Variants in TENM2 observed in about 807,000 individuals in gnomAD.
TENM2 encodes the protein teneurin-2.
A neutral mutation model predicts 245.2 loss-of-function variants in TENM2; 52 were observed. That is an observed-to-expected ratio of 0.21 (90% CI 0.17 to 0.27). The LOEUF (loss-of-function observed/expected upper bound fraction) is 0.27, where lower values mean the gene tolerates loss of function less well. TENM2 is among the 10% of genes least tolerant of loss of function. The pLI is 1.00. For synonymous variants in TENM2, 1,363 were observed against 1,438.9 expected, an observed-to-expected ratio of 0.95 and a Z score of 1.19; for missense variants, 3,046 against 3,666.8, an observed-to-expected ratio of 0.83 and a Z score of 4.37.
chr5:167,197,780 G>C, the TENM2 span, among the ~76,000 whole-genome samples: 2 of 151,680 alleles, frequency 1.3e-5, no homozygotes, highest in East Asian at 1.9e-4. Flanking sequence ...CCATATTCTC[G>C]GTTGTAAAAT....
the TENM2 span, among the ~76,000 whole-genome samples, chr5:167,257,239 T>A: frequency 6.6e-6 from 1 of 152,124 alleles, no homozygotes; most frequent in Non-Finnish European, 1.5e-5. Flanking sequence ...AATAAGATCA[T>A]ACCCTATATA....
At chr5:166,979,970 G>A in the TENM2 span, among the ~76,000 whole-genome samples, 1 of 152,190 alleles carries the variant, frequency 6.6e-6, no homozygotes, top group Non-Finnish European at 1.5e-5. Flanking sequence ...CAGCATGAGA[G>A]ATGCCAGTGA....
chr5:167,839,095 G>T (rs1769254704), intron 2 of TENM2, among the ~76,000 whole-genome samples: 1 of 152,174 alleles, frequency 6.6e-6, no homozygotes, highest in Admixed American at 6.5e-5. Context: ...TCATTGTTAT[G>T]ATTAAAACTT....
chr5:168,027,125 G>A (rs1209276708), intron 5 of TENM2, among the ~76,000 whole-genome samples: 7 of 152,084 alleles, frequency 4.6e-5, no homozygotes, highest in Non-Finnish European at 1.0e-4. Context: ...ACACGTGCAT[G>A]TGAAATGACA....
chr5:167,065,087 T>C, the TENM2 span, among the ~76,000 whole-genome samples: 1 of 152,094 alleles, frequency 6.6e-6, no homozygotes, highest in African/African-American at 2.4e-5. Context: ...ATTTTATTTT[T>C]TTATTTTGGA....
At chr5:167,606,358 A>C (rs1184926822) in intron 2 of TENM2, among the ~76,000 whole-genome samples, 1 of 152,074 alleles carries the variant, frequency 6.6e-6, no homozygotes, top group Admixed American at 6.6e-5. Flanking sequence ...CTCAAATGGC[A>C]AGGAAGCTGG....
At chr5:167,898,733 A>C (rs1775447618) in intron 3 of TENM2, among the ~76,000 whole-genome samples, 1 of 152,214 alleles carries the variant, frequency 6.6e-6, no homozygotes, top group Non-Finnish European at 1.5e-5. Flanking sequence ...CAGGGACTTC[A>C]TCAGGAAAGA....
intron 2 of TENM2, among the ~76,000 whole-genome samples, chr5:167,652,758 T>C (rs1754563387): frequency 6.6e-6 from 1 of 152,204 alleles, no homozygotes; most frequent in Non-Finnish European, 1.5e-5. Flanking sequence ...ACTGCCACAG[T>C]CGTCACTCAC....
chr5:167,568,646 G>GGT (rs3138740), intron 2 of TENM2, among the ~76,000 whole-genome samples: 76,561 of 142,342 alleles, frequency 0.54, 20,973 homozygotes, highest in Middle Eastern at 0.63. Context: ...CAGAGACCAT[G>GGT]GTGTGTGTGT....
intron 2 of TENM2, among the ~76,000 whole-genome samples, chr5:167,555,954 C>A (rs757905139): frequency 6.6e-6 from 1 of 151,962 alleles, no homozygotes; most frequent in Non-Finnish European, 1.5e-5. Flanking sequence ...TAAAGTGAGC[C>A]GCATTAGTTC....
chr5:168,201,911 C>T (rs2152534460), intron 17 of TENM2, among the ~76,000 whole-genome samples: 1 of 152,234 alleles, frequency 6.6e-6, no homozygotes, highest in Non-Finnish European at 1.5e-5. Context: ...GCTATTTGGC[C>T]TGTTCCTCTG....
At chr5:167,005,084 A>T in the TENM2 span, among the ~76,000 whole-genome samples, 1 of 152,182 alleles carries the variant, frequency 6.6e-6, no homozygotes, top group Non-Finnish European at 1.5e-5. Context: ...ACTAAAAAGG[A>T]CTTTTCCCCC....
chr5:168,081,160 G>C (rs934086032), intron 7 of TENM2, among the ~76,000 whole-genome samples: 6 of 152,140 alleles, frequency 3.9e-5, no homozygotes, highest in Non-Finnish European at 2.9e-5. Flanking sequence ...TCTTCTTGTT[G>C]AATTGATCCC....
chr5:167,908,392 TTCTCCTCTCC>T (rs1366904488), intron 3 of TENM2, among the ~76,000 whole-genome samples: 1 of 69,976 alleles, frequency 1.4e-5, no homozygotes, highest in African/African-American at 5.8e-5. Flanking sequence ...TTCCCCTCTC[TTCTCCTCTCC>T]CCTCCCCTAC....
intron 9 of TENM2, among the ~76,000 whole-genome samples, chr5:168,106,068 A>G (rs903898036): frequency 6.6e-6 from 1 of 152,166 alleles, no homozygotes; most frequent in Admixed American, 6.5e-5. Flanking sequence ...AACCTGCAGC[A>G]GAAAACACAC....
intron 2 of TENM2, among the ~76,000 whole-genome samples, chr5:167,706,231 A>G (rs1048592276): frequency 1.0e-4 from 15 of 146,038 alleles, no homozygotes; most frequent in African/African-American, 3.5e-4. Flanking sequence ...AATATATTAT[A>G]TTATTATATA....
chr5:167,460,397 G>T (rs1766220983), intron 2 of TENM2, among the ~76,000 whole-genome samples: 1 of 152,110 alleles, frequency 6.6e-6, no homozygotes, highest in Admixed American at 6.6e-5. Context: ...TATACCATTT[G>T]TTTTAGGTAG....
the TENM2 span, among the ~76,000 whole-genome samples, chr5:167,140,663 A>T: frequency 6.6e-6 from 1 of 152,126 alleles, no homozygotes; most frequent in Non-Finnish European, 1.5e-5. Flanking sequence ...TTTAGGTAGG[A>T]TAGGGGTGAG....
chr5:168,192,156 G>C (rs527736029), intron 14 of TENM2, among the ~76,000 whole-genome samples: 8 of 152,136 alleles, frequency 5.3e-5, no homozygotes, highest in African/African-American at 1.9e-4. Context: ...AAGTTGATCA[G>C]ACAAATTGGG....
Sources: allele counts gnomAD v4.1 joint callset (sites outside exome capture counted in the v4.1 genomes callset), GRCh38; gene constraint gnomAD v4.1.1; transcripts MANE v1.5; gene names NCBI Gene and HGNC (gene_info 2026-07-23, HGNC 2026-07-21).